ZKSCAN1: variants seen among roughly 807,000 people sequenced by gnomAD.
ZKSCAN1 encodes the protein zinc finger protein with KRAB and SCAN domains 1.
ZKSCAN1 carries 14 observed loss-of-function variants against 51.6 expected under a neutral mutation model. That is an observed-to-expected ratio of 0.27 (90% CI 0.18 to 0.42). The LOEUF (loss-of-function observed/expected upper bound fraction) is 0.42. Ranked by LOEUF, ZKSCAN1 falls within the 10% of genes least tolerant of loss-of-function variation. ZKSCAN1 has a pLI of 1.00. For synonymous variants in ZKSCAN1, 263 were observed against 261.5 expected, an observed-to-expected ratio of 1.01 and a Z score of -0.06; for missense variants, 531 against 710.0, an observed-to-expected ratio of 0.75 and a Z score of 2.86.
At chr7:100,023,330 G>T (rs1790670469) in intron 1 of ZKSCAN1, 89 bp from the exon 2 acceptor site, 1 of 679,074 alleles carries the variant, frequency 1.5e-6, no homozygotes, top group Non-Finnish European at 2.4e-6. Context: ...TTCTGATAGT[G>T]CCTCGATGTG....
At position 100,041,562 on chromosome 7, in the gene ZKSCAN1, G is replaced by A. The variant is rs1791594273; in HGVS notation, c.*7365G>A. 1.0e-6 allele frequency: 1 copy of A among 985,276 alleles called. No individual in the cohort carries two copies. The highest frequency in any genetic ancestry group is 1.2e-6 in the Non-Finnish European group (1 of 829,936). The allele number at this position is 985,276 out of a possible 1,614,324, so 61.0% of individuals were successfully genotyped here. A position where few individuals can be genotyped will look rare whatever the true frequency, so the allele number is the denominator to read the frequency against. ...AGTGGTCCATTTTAGGAAGCCAGTG[G>A]CGTCTGATAAAGAAATGTTAAGAGT... is the stretch of plus-strand genomic sequence containing the variant. On this transcript the variant is annotated 3_prime_UTR_variant, in exon 6 of 6. Coordinates refer to ENST00000324306, the MANE Select transcript of ZKSCAN1 (RefSeq NM_003439.4).
At position 100,037,316 on chromosome 7, in the gene ZKSCAN1, G is replaced by A. The variant is rs1584353601; in HGVS notation, c.*3119G>A. Reference sequence around the variant, plus strand: ...TACCCTACCCTTGCCAGGAAGAGAAGTAAAATCCTCAGGTTGTGGGGTATT... The same window carrying A: ...TACCCTACCCTTGCCAGGAAGAGAAATAAAATCCTCAGGTTGTGGGGTATT... On this transcript the variant is annotated 3_prime_UTR_variant, in exon 6 of 6. Coordinates refer to ENST00000324306, the MANE Select transcript of ZKSCAN1 (RefSeq NM_003439.4). 6 of 985,310 alleles carry A rather than the reference G, an allele frequency of 6.1e-6. No individual in the cohort carries two copies. Among genetic ancestry groups the A allele is most frequent in the Non-Finnish European group, 7.2e-6 (6 of 829,928 alleles). 61.0% of individuals were successfully genotyped at this position (985,310 alleles called of 1,614,324 possible). A position where few individuals can be genotyped will look rare whatever the true frequency, so the allele number is the denominator to read the frequency against.
At position 100,037,083 on chromosome 7, in the gene ZKSCAN1, C is replaced by T. The variant is rs1791395316; in HGVS notation, c.*2886C>T. On this transcript the variant is annotated 3_prime_UTR_variant, in exon 6 of 6. Transcript: ENST00000324306. ...AACAGGCTACAACTGTTTATTAAAA[C>T]CACTTGCAGTGCATTCGTTTATCAG... 1.0e-6 allele frequency: 1 copy of T among 985,286 alleles called. No homozygotes were observed. The highest frequency in any genetic ancestry group is 1.2e-6 in the Non-Finnish European group (1 of 829,946). 61.0% of individuals were successfully genotyped at this position (985,286 alleles called of 1,614,324 possible).
In ZKSCAN1 at chr7:100,035,708, C is replaced by T. The variant is rs75695023; in HGVS notation, c.*1511C>T. The T allele has an allele frequency of 5.8e-3, 1,896 of 327,216 alleles. 30 individuals carry two copies. The highest frequency in any genetic ancestry group is 0.04 in the African/African-American group (1,786 of 44,792). 20.3% of individuals were successfully genotyped at this position (327,216 alleles called of 1,614,324 possible). On this transcript the variant is annotated 3_prime_UTR_variant, in exon 6 of 6. Coordinates refer to ENST00000324306, the MANE Select transcript of ZKSCAN1 (RefSeq NM_003439.4). ...ACTGAGATGTGGCTGGCTGTGCCAT[C>T]GTCATAGTGCACAGTGACTTTTCTG...
chr7:100,037,677 C>T lies in ZKSCAN1; in HGVS notation c.*3480C>T, dbSNP rs1472575029. ...ATTGCTTCAGACAGAAAATGAATTCCGTCGGTATGTTCCAATCGTGATGAA... is the reference window on the plus strand; with the variant it reads ...ATTGCTTCAGACAGAAAATGAATTCTGTCGGTATGTTCCAATCGTGATGAA... On this transcript the variant is annotated 3_prime_UTR_variant, in exon 6 of 6. Transcript: ENST00000324306. The T allele has an allele frequency of 2.6e-5, 26 of 985,378 alleles. No homozygotes were observed. Among genetic ancestry groups the T allele is most frequent in the Non-Finnish European group, 3.1e-5 (26 of 829,934 alleles). The allele number at this position is 985,378 out of a possible 1,614,324, so 61.0% of individuals were successfully genotyped here.
chr7:100,032,674 A>C, intron 5 of ZKSCAN1, among the ~76,000 whole-genome samples: 1 of 152,132 alleles, frequency 6.6e-6, no homozygotes, highest in Non-Finnish European at 1.5e-5. Flanking sequence ...CAGTCTGGCC[A>C]ACATGGTGAA....
At chr7:100,019,080 C>G (rs1455996080) in intron 1 of ZKSCAN1, among the ~76,000 whole-genome samples, 1 of 152,210 alleles carries the variant, frequency 6.6e-6, no homozygotes, top group Non-Finnish European at 1.5e-5. Flanking sequence ...GAAGATCCCA[C>G]CTGGTTATGT....
At chr7:100,022,141 G>A (rs560651332) in intron 1 of ZKSCAN1, among the ~76,000 whole-genome samples, 9 of 152,202 alleles carry the variant, frequency 5.9e-5, no homozygotes, top group Middle Eastern at 3.4e-3. Flanking sequence ...TGCAACCTCC[G>A]CCTCCTGGGT....
chr7:100,044,908 G>A, downstream of ZKSCAN1: 3 of 985,308 alleles, frequency 3.0e-6, no homozygotes, highest in Non-Finnish European at 3.6e-6. Flanking sequence ...GTCACGGTTT[G>A]GTTACCCTCT....
intron 2 of ZKSCAN1, 65 bp downstream of exon 2, chr7:100,023,997 A>C (rs1790706127): frequency 1.3e-6 from 2 of 1,523,948 alleles, no homozygotes; most frequent in African/African-American, 2.8e-5. Context: ...AGCCAGGAGA[A>C]GTATTGGCAG....
intron 3 of ZKSCAN1, chr7:100,024,783 C>G (rs1413251095): frequency 6.5e-6 from 1 of 154,466 alleles, no homozygotes; most frequent in Non-Finnish European, 1.4e-5. Context: ...TCCTGTAATC[C>G]CAGCTACTCG....
downstream of ZKSCAN1, among the ~76,000 whole-genome samples, chr7:100,045,270 G>A (rs565993276): frequency 2.2e-4 from 34 of 151,520 alleles, no homozygotes; most frequent in Admixed American, 3.3e-4. Context: ...GGTGCGGTGC[G>A]GGTGCGGTGG....
In ZKSCAN1 at chr7:100,033,672, T is replaced by C. The variant is rs1460887999; in HGVS notation, c.1167T>C (p.Ser389=). 1 of 1,614,134 alleles carries C rather than the reference T, an allele frequency of 6.2e-7. No individual in the cohort carries two copies. Among genetic ancestry groups the C allele is most frequent in the South Asian group, 1.1e-5 (1 of 91,088 alleles). The change falls in exon 6 of 6, where the codon AGT becomes AGC. Residue 389 remains serine (S), a synonymous_variant. Coordinates refer to ENST00000324306, the MANE Select transcript of ZKSCAN1 (RefSeq NM_003439.4). The surrounding 1 kb of genome is among the most constrained non-coding windows in gnomAD (Gnocchi z 4.1). ...CDECGKCFTR[S]SSLIRHKIIH... ...AATGTGGTAAATGCTTCACGAGAAG[T>C]TCAAGCCTTATCCGCCATAAAATAA...
In ZKSCAN1 at chr7:100,034,153, G is replaced by C; in HGVS notation, c.1648G>C (p.Ala550Pro). The change falls in exon 6 of 6, where the codon GCC becomes CCC. Residue 550 changes from alanine (A) to proline (P), a missense_variant. By Grantham distance (27) the Ala-to-Pro change is conservative (BLOSUM62 -1). Transcript: ENST00000324306. Reference sequence around the variant, plus strand: ...AGAGAGAGCCTCTGAGTACAGCCCAGCCTCCCTTGATGCATTTGGCGCGTT... The same window carrying C: ...AGAGAGAGCCTCTGAGTACAGCCCACCCTCCCTTGATGCATTTGGCGCGTT... ...ARERASEYSP[A>P]SLDAFGAFLK... is the part of the protein sequence containing the mutation. 6.5e-7 allele frequency: 1 copy of C among 1,550,038 alleles called. No homozygotes were observed. Among genetic ancestry groups the C allele is most frequent in the Non-Finnish European group, 8.7e-7 (1 of 1,154,752 alleles).
chr7:100,044,514 CA>C (rs913709360), downstream of ZKSCAN1, among the ~76,000 whole-genome samples: 17 of 151,526 alleles, frequency 1.1e-4, no homozygotes, highest in African/African-American at 4.1e-4. Flanking sequence ...AAAAAAAATA[CA>C]AAAAAATAAA....
chr7:100,039,585 C>G lies in ZKSCAN1; in HGVS notation c.*5388C>G. The G allele has an allele frequency of 1.0e-6, 1 of 985,430 alleles. No individual in the cohort carries two copies. Among genetic ancestry groups the G allele is most frequent in the Non-Finnish European group, 1.2e-6 (1 of 829,932 alleles). The allele number at this position is 985,430 out of a possible 1,614,324, so 61.0% of individuals were successfully genotyped here. A position where few individuals can be genotyped will look rare whatever the true frequency, so the allele number is the denominator to read the frequency against. Reference sequence around the variant, plus strand: ...CTTTTTTTAATTTTTATCCTAGAGTCAGTCACTTTTATTCCAGGTAGTCAT... The same window carrying G: ...CTTTTTTTAATTTTTATCCTAGAGTGAGTCACTTTTATTCCAGGTAGTCAT... On this transcript the variant is annotated 3_prime_UTR_variant, in exon 6 of 6. Transcript: ENST00000324306.
chr7:100,031,087 A>G (rs183898496), intron 5 of ZKSCAN1, among the ~76,000 whole-genome samples: 1 of 152,240 alleles, frequency 6.6e-6, no homozygotes, highest in Non-Finnish European at 1.5e-5. Context: ...ACAGTGCTGC[A>G]AAGAAGCCCT....
intron 2 of ZKSCAN1, 111 bp downstream of exon 2, chr7:100,024,043 A>C (rs959348092): frequency 5.9e-6 from 9 of 1,523,156 alleles, no homozygotes; most frequent in Middle Eastern, 1.8e-4. Context: ...TGTCTTAAAA[A>C]TGTTCTGGCT....
rs777793509 is a variant in ZKSCAN1 at position 100,025,489 on chromosome 7, G to A, written c.580+1182G>A. On this transcript the variant is annotated intron_variant, in intron 3 of 5. Coordinates refer to ENST00000324306, the MANE Select transcript of ZKSCAN1 (RefSeq NM_003439.4). ...TGTTACTTGTTTTTTCTCTTTTGAC[G>A]GAAATATGTAATACATTTATCCAGT... Among the ~76,000 whole-genome samples the A allele has an allele frequency of 5.3e-5, 8 of 152,196 alleles. No homozygotes were observed. In the East Asian group the frequency reaches 9.6e-4, roughly 18 times the overall value.
Sources: gnomAD v4.1 joint callset for allele counts (sites outside exome capture counted in the v4.1 genomes callset) on GRCh38, gnomAD v4.1.1 for gene constraint, Gnocchi (gnomAD v3.1) non-coding constraint, MANE v1.5 for transcripts, NCBI Gene and HGNC (gene_info 2026-07-23, HGNC 2026-07-21) for gene names.